HDAC9: variants seen among roughly 807,000 people sequenced by gnomAD.
The protein encoded by HDAC9 is MEF-2 interacting transcription repressor (MITR) protein.
HDAC9 carries 41 observed loss-of-function variants against 139.4 expected under a neutral mutation model. The observed-to-expected ratio is 0.29, with a 90% CI of 0.23 to 0.38. HDAC9 has a LOEUF of 0.38. HDAC9 is among the 10% of genes least tolerant of loss of function. HDAC9 has a pLI of 1.00. For missense variants in HDAC9, 1,147 were observed against 1,297.0 expected, an observed-to-expected ratio of 0.88 and a Z score of 1.78; for synonymous variants, 517 against 476.2, an observed-to-expected ratio of 1.09 and a Z score of -1.12.
At chr7:18,879,726 C>G (rs920718262) in intron 22 of HDAC9, among the ~76,000 whole-genome samples, 1 of 152,094 alleles carries the variant, frequency 6.6e-6, no homozygotes, top group Non-Finnish European at 1.5e-5. Flanking sequence ...ACATCCTAGG[C>G]AATACCGTCC....
chr7:18,359,812 T>C (rs976250585), intron 1 of HDAC9, among the ~76,000 whole-genome samples: 2 of 152,198 alleles, frequency 1.3e-5, no homozygotes, highest in African/African-American at 4.8e-5. Context: ...TTTCACCATG[T>C]TGGGCAGGGT....
chr7:18,996,530 T>G lies in HDAC9; in HGVS notation c.*468T>G, dbSNP rs1786474765. The G allele has an allele frequency of 6.5e-6, 1 of 154,834 alleles. No individual in the cohort carries two copies. Among genetic ancestry groups the G allele is most frequent in the South Asian group, 2.0e-4 (1 of 5,036 alleles). The allele number at this position is 154,834 out of a possible 1,614,324, so 9.6% of individuals were successfully genotyped here. On this transcript the variant is annotated 3_prime_UTR_variant, in exon 26 of 26. Transcript: ENST00000686413. ...CTTAACTTGTTTACAAGATTTGCTT[T>G]TAGCTATGAACGGATCGTAATTCCA...
At chr7:18,640,569 A>G (rs1785280868) in intron 8 of HDAC9, among the ~76,000 whole-genome samples, 1 of 145,718 alleles carries the variant, frequency 6.9e-6, no homozygotes, top group Non-Finnish European at 1.5e-5. Context: ...TCCTTTCCCC[A>G]CTTTCATTTT....
In HDAC9 at chr7:18,732,606, CAT is replaced by C. The variant is rs778339762; in HGVS notation, c.1909+4852_1909+4853del. Among the ~76,000 whole-genome samples, 148 of 132,356 alleles carry C rather than the reference CAT, an allele frequency of 1.1e-3. 11 individuals are homozygous for C. The highest frequency in any genetic ancestry group is 2.7e-3 in the African/African-American group (85 of 31,214). The allele number at this position is 132,356 out of a possible 152,430, so 86.8% of individuals were successfully genotyped here. On this transcript the variant is annotated intron_variant, in intron 13 of 25. Coordinates refer to ENST00000686413, the MANE Select transcript of HDAC9 (RefSeq NM_178425.4). ...ATATACACACACGTGTATATGTGTG[CAT>C]ATGTGTATATACACACACGTGTATA...
At position 18,647,956 on chromosome 7, in the gene HDAC9, T is replaced by C; in HGVS notation, c.1207T>C (p.Leu403=). The C allele has an allele frequency of 4.3e-6, 7 of 1,612,296 alleles. No individual in the cohort carries two copies. The highest frequency in any genetic ancestry group is 5.9e-6 in the Non-Finnish European group (7 of 1,179,174). ...SSHQALLQHL[L]LKEQMRQQKL... ...CCACCAGGCTCTCCTGCAGCATTTA[T>C]TATTGAAAGAACAAATGCGACAGCA... The change falls in exon 10 of 26, where the codon TTA becomes CTA. Residue 403 remains leucine, a synonymous_variant. Coordinates refer to ENST00000686413, the MANE Select transcript of HDAC9 (RefSeq NM_178425.4).
At chr7:18,197,578 G>A (rs1006959162) in intron 2 of HDAC9, among the ~76,000 whole-genome samples, 1 of 152,146 alleles carries the variant, frequency 6.6e-6, no homozygotes, top group African/African-American at 2.4e-5. Flanking sequence ...GAATGAGAGA[G>A]ACAAGCATAG....
At chr7:18,581,040 AT>A (rs1359937717) in intron 2 of HDAC9, among the ~76,000 whole-genome samples, 1 of 152,138 alleles carries the variant, frequency 6.6e-6, no homozygotes, top group Non-Finnish European at 1.5e-5. Flanking sequence ...TATGATTATG[AT>A]TAGGCAGAGA....
At chr7:18,695,675 T>C (rs1782990451) in intron 12 of HDAC9, among the ~76,000 whole-genome samples, 2 of 152,198 alleles carry the variant, frequency 1.3e-5, no homozygotes, top group South Asian at 4.1e-4. Flanking sequence ...AAATTGAGAA[T>C]GAACGGGTGG....
intron 12 of HDAC9, among the ~76,000 whole-genome samples, chr7:18,704,725 A>G (rs922499405): frequency 2.0e-5 from 3 of 152,206 alleles, no homozygotes; most frequent in Admixed American, 1.3e-4. Flanking sequence ...TCTGAGGAGC[A>G]GGAAAGGTAT....
intron 1 of HDAC9, among the ~76,000 whole-genome samples, chr7:18,097,233 T>C (rs1403090983): frequency 6.6e-6 from 1 of 152,230 alleles, no homozygotes; most frequent in Admixed American, 6.5e-5. Flanking sequence ...TTTTTGGTTA[T>C]AATTGGATGT....
intron 1 of HDAC9, among the ~76,000 whole-genome samples, chr7:18,353,035 C>T (rs999913503): frequency 6.6e-6 from 1 of 152,084 alleles, no homozygotes; most frequent in African/African-American, 2.4e-5. Context: ...GTCATAGCAT[C>T]TAAGGTTTCT....
intron 1 of HDAC9, among the ~76,000 whole-genome samples, chr7:18,115,520 T>A (rs1377053504): frequency 6.6e-6 from 1 of 152,220 alleles, no homozygotes; most frequent in African/African-American, 2.4e-5. Flanking sequence ...TTTCTGAAAA[T>A]GTAGTAGATT....
At chr7:18,453,066 A>G (rs1793027030) in intron 1 of HDAC9, among the ~76,000 whole-genome samples, 2 of 152,314 alleles carry the variant, frequency 1.3e-5, no homozygotes, top group South Asian at 2.1e-4. Flanking sequence ...AAAATAAATT[A>G]TAAAGTATTC....
At chr7:18,689,966 T>C (rs1490407550) in intron 12 of HDAC9, among the ~76,000 whole-genome samples, 1 of 152,014 alleles carries the variant, frequency 6.6e-6, no homozygotes, top group East Asian at 1.9e-4. Flanking sequence ...CCATGGGTAA[T>C]TTTATGCCTT....
rs544711653 is a variant in HDAC9 at position 18,278,679 on chromosome 7, CT to C, written c.25+116339del. ...CTATATGATGCAGTTATTTCTTAAA[CT>C]TTTTTTTTGTTTTAAATTGACTAAA... On this transcript the variant is annotated intron_variant, in intron 2 of 12. Transcript: ENST00000417496. Among the ~76,000 whole-genome samples the C allele has an allele frequency of 3.1e-4, 47 of 151,534 alleles. 1 individual carries two copies. Among genetic ancestry groups the C allele is most frequent in the Middle Eastern group, 3.4e-3 (1 of 294 alleles).
chr7:18,970,219 A>G (rs1464597938), intron 24 of HDAC9, among the ~76,000 whole-genome samples: 1 of 152,212 alleles, frequency 6.6e-6, no homozygotes, highest in Non-Finnish European at 1.5e-5. Flanking sequence ...ATATTGTATC[A>G]GTGAGTGATA....
chr7:18,866,198 A>G (rs13242358), intron 21 of HDAC9, among the ~76,000 whole-genome samples: 41,524 of 150,732 alleles, frequency 0.28, 6,398 homozygotes, highest in South Asian at 0.5. Context: ...GATGCCCTGA[A>G]TATGTGGAAG....
intron 22 of HDAC9, among the ~76,000 whole-genome samples, chr7:18,896,047 G>A (rs371255391): frequency 1.1e-4 from 16 of 151,998 alleles, no homozygotes; most frequent in Non-Finnish European, 1.9e-4. Flanking sequence ...CATTAATGCC[G>A]AAGGGAAACA....
chr7:18,729,937 C>A (rs1289355711), intron 13 of HDAC9, among the ~76,000 whole-genome samples: 2 of 152,066 alleles, frequency 1.3e-5, no homozygotes, highest in African/African-American at 2.4e-5. Flanking sequence ...AATTTGAATA[C>A]ACTGAAAGTA....
Sources: allele counts gnomAD v4.1 joint callset (sites outside exome capture counted in the v4.1 genomes callset), GRCh38; gene constraint gnomAD v4.1.1; transcripts MANE v1.5; gene names NCBI Gene and HGNC (gene_info 2026-07-23, HGNC 2026-07-21).